Variants in MRPS31 observed in about 807,000 individuals in gnomAD.
MRPS31 encodes the protein small ribosomal subunit protein mS31.
A neutral mutation model predicts 43.1 loss-of-function variants in MRPS31; 32 were observed. The observed-to-expected ratio is 0.74, with a 90% CI of 0.56 to 1.00. The LOEUF is 1.00. MRPS31 is among the 50% of genes least tolerant of loss of function. MRPS31 has a pLI of 0.00. For synonymous variants in MRPS31, 165 were observed against 161.6 expected (o/e 1.02, Z -0.16); for missense variants, 437 against 466.7 (o/e 0.94, Z 0.59).
chr13:40,760,598 A>G (rs1880668254), intron 2 of MRPS31, among the ~76,000 whole-genome samples: 1 of 152,048 alleles, frequency 6.6e-6, no homozygotes, highest in South Asian at 2.1e-4. Context: ...ATTCTATTAT[A>G]AAAAGAAAAT....
At chr13:40,759,559 TATTCA>T (rs1446475150) in intron 2 of MRPS31, among the ~76,000 whole-genome samples, 7 of 152,302 alleles carry the variant, frequency 4.6e-5, no homozygotes, top group African/African-American at 1.4e-4. Flanking sequence ...TTCAAAAAAG[TATTCA>T]ATTCAATTTC....
intron 2 of MRPS31, among the ~76,000 whole-genome samples, chr13:40,765,431 C>T (rs1566112325): frequency 2.0e-5 from 3 of 152,136 alleles, no homozygotes; most frequent in African/African-American, 4.8e-5. Context: ...ATCGTTAATT[C>T]AATTATAATT....
At chr13:40,746,535 G>T (rs1352613345) in intron 6 of MRPS31, among the ~76,000 whole-genome samples, 1 of 152,068 alleles carries the variant, frequency 6.6e-6, no homozygotes, top group African/African-American at 2.4e-5. Context: ...AAAAAAACAT[G>T]TTTCTCTCCT....
At chr13:40,741,089 T>C (rs561777069) in intron 6 of MRPS31, among the ~76,000 whole-genome samples, 4 of 151,840 alleles carry the variant, frequency 2.6e-5, no homozygotes, top group Non-Finnish European at 5.9e-5. Context: ...GGAGAAGATA[T>C]ATATACTAGA....
chr13:40,769,221 C>A (rs1464261620), intron 1 of MRPS31, among the ~76,000 whole-genome samples: 1 of 151,068 alleles, frequency 6.6e-6, no homozygotes, highest in African/African-American at 2.4e-5. Context: ...ACTAAAAATA[C>A]AAAAATTAGC....
chr13:40,754,542 C>T (rs1805878759), intron 4 of MRPS31, among the ~76,000 whole-genome samples: 1 of 152,168 alleles, frequency 6.6e-6, no homozygotes, highest in Non-Finnish European at 1.5e-5. Flanking sequence ...CATTCCCTTT[C>T]ATAAGGCAAT....
At chr13:40,762,430 A>G (rs1880723400) in intron 2 of MRPS31, among the ~76,000 whole-genome samples, 1 of 150,636 alleles carries the variant, frequency 6.6e-6, no homozygotes, top group African/African-American at 2.5e-5. Flanking sequence ...ATTCTTAAAA[A>G]TAGCACCTCT....
intron 1 of MRPS31, 156 bp downstream of exon 1, chr13:40,770,829 C>T: frequency 2.2e-6 from 2 of 928,140 alleles, no homozygotes; most frequent in Non-Finnish European, 1.6e-6. Context: ...TCTGTTTTCA[C>T]GCACACTATG....
intron 3 of MRPS31, among the ~76,000 whole-genome samples, chr13:40,758,142 CAA>C (rs559446482): frequency 2.3e-4 from 19 of 83,328 alleles, no homozygotes; most frequent in Non-Finnish European, 1.6e-4. Context: ...GACTCCGTCT[CAA>C]AAAAAAAAAA....
At chr13:40,737,567 C>A (rs145314016) in intron 6 of MRPS31, among the ~76,000 whole-genome samples, 1,895 of 151,892 alleles carry the variant, frequency 0.012, 50 homozygotes, top group African/African-American at 0.043. Flanking sequence ...AAAGAACAGA[C>A]ATTATAACAA....
At position 40,756,332 on chromosome 13, in the gene MRPS31, A is replaced by C. The variant is rs189719010; in HGVS notation, c.740+541T>G. ...AGATTCTAAAATAACTATGTAAGGCATGGCTCAGCATCTTTAAGAACTTCA... is the reference window on the plus strand; with the variant it reads ...AGATTCTAAAATAACTATGTAAGGCCTGGCTCAGCATCTTTAAGAACTTCA... On this transcript the variant is annotated intron_variant, in intron 4 of 6. Transcript: ENST00000323563. Among the ~76,000 whole-genome samples the C allele has an allele frequency of 3.2e-3, 481 of 152,356 alleles. 3 individuals are homozygous for C. Among genetic ancestry groups the C allele is most frequent in the African/African-American group, 0.011 (450 of 41,594 alleles).
intron 6 of MRPS31, among the ~76,000 whole-genome samples, chr13:40,731,865 A>C (rs1879709803): frequency 6.6e-6 from 1 of 152,200 alleles, no homozygotes; most frequent in Non-Finnish European, 1.5e-5. Flanking sequence ...AAAGTAGATC[A>C]ACAGTCTTTT....
chr13:40,730,021 C>T (rs187593762), intron 6 of MRPS31, among the ~76,000 whole-genome samples: 8 of 152,042 alleles, frequency 5.3e-5, no homozygotes, highest in Non-Finnish European at 7.4e-5. Context: ...TGAGCCACCA[C>T]GCCTGGCCCG....
intron 6 of MRPS31, among the ~76,000 whole-genome samples, chr13:40,736,738 T>C (rs1879921064): frequency 1.4e-5 from 2 of 145,754 alleles, no homozygotes; most frequent in Admixed American, 6.9e-5. Flanking sequence ...TGCTGAGAGA[T>C]TTTGTCACCA....
chr13:40,730,523 T>C (rs978379821), intron 6 of MRPS31, among the ~76,000 whole-genome samples: 2 of 152,166 alleles, frequency 1.3e-5, no homozygotes, highest in African/African-American at 4.8e-5. Context: ...ACACTCTGAA[T>C]CAATCAATCA....
intron 1 of MRPS31, chr13:40,770,701 A>C: frequency 2.5e-6 from 1 of 399,462 alleles, no homozygotes; most frequent in South Asian, 2.3e-5. Context: ...AAATGAGACT[A>C]TCAAATAAAT....
chr13:40,760,134 CAAA>C (rs11327076), intron 2 of MRPS31, among the ~76,000 whole-genome samples: 8 of 77,900 alleles, frequency 1.0e-4, no homozygotes, highest in East Asian at 3.2e-4. Flanking sequence ...TAGACTCTGT[CAAA>C]AAAAAAAAAA....
intron 6 of MRPS31, among the ~76,000 whole-genome samples, chr13:40,742,045 G>A (rs73457374): frequency 0.045 from 6,825 of 152,010 alleles, 310 homozygotes; most frequent in East Asian, 0.14. Flanking sequence ...AACTATTGAC[G>A]ATGGTTATTT....
intron 2 of MRPS31, among the ~76,000 whole-genome samples, chr13:40,766,164 T>G (rs1880838117): frequency 6.6e-6 from 1 of 152,258 alleles, no homozygotes; most frequent in South Asian, 2.1e-4. Flanking sequence ...TTAATAACAC[T>G]GATAAATATG....
Sources: allele counts gnomAD v4.1 joint callset (sites outside exome capture counted in the v4.1 genomes callset), GRCh38; gene constraint gnomAD v4.1.1; transcripts MANE v1.5; gene names NCBI Gene and HGNC (gene_info 2026-07-23, HGNC 2026-07-21).